The following DIP2C variants were observed in gnomAD, a reference collection of about 807,000 sequenced individuals.
DIP2C encodes the protein disco-interacting protein 2 homolog C.
Under a neutral mutation model 192.4 loss-of-function variants are expected in DIP2C, and 33 were observed. The ratio of observed to expected loss-of-function variants is 0.17; its 90% CI spans 0.13 to 0.23. The LOEUF is 0.23. Ranked by LOEUF, DIP2C falls within the 10% of genes least tolerant of loss-of-function variation. The pLI, the probability that DIP2C is intolerant of heterozygous loss-of-function variation, is 1.00. For missense variants in DIP2C, 1,537 were observed against 2,110.1 expected, an observed-to-expected ratio of 0.73 and a Z score of 5.32; for synonymous variants, 979 against 864.1, an observed-to-expected ratio of 1.13 and a Z score of -2.33.
intron 34 of DIP2C, among the ~76,000 whole-genome samples, chr10:285,687 C>A (rs941980870): frequency 1.3e-5 from 2 of 152,234 alleles, no homozygotes; most frequent in African/African-American, 4.8e-5. Flanking sequence ...AGAGAGGAGA[C>A]CAAGGCCACA....
chr10:370,110 A>C (rs1960785408), intron 17 of DIP2C: 1 of 926,444 alleles, frequency 1.1e-6, no homozygotes, highest in Admixed American at 6.2e-5. Context: ...GCCTCAATTC[A>C]GATGCAGACT....
At chr10:423,459 T>C (rs756928380) in intron 4 of DIP2C, among the ~76,000 whole-genome samples, 1 of 152,226 alleles carries the variant, frequency 6.6e-6, no homozygotes, top group Non-Finnish European at 1.5e-5. Context: ...GAGATGTTCT[T>C]GTGGGCTCTG....
chr10:390,419 C>G, intron 11 of DIP2C, 46 bp from the exon 12 acceptor site: 2 of 1,571,668 alleles, frequency 1.3e-6, no homozygotes, highest in Non-Finnish European at 1.8e-6. Flanking sequence ...CTCTGAAAGT[C>G]GGTCTGTAGA....
At chr10:650,669 G>A (rs773517934) in intron 1 of DIP2C, 4 of 619,500 alleles carry the variant, frequency 6.5e-6, no homozygotes, top group Non-Finnish European at 1.2e-5. Flanking sequence ...ACGTGAGCTG[G>A]CAAGGGGCCT....
chr10:651,427 T>C lies in DIP2C; in HGVS notation c.85+38067A>G. 1.4e-6 allele frequency: 1 copy of C among 690,254 alleles called. No individual in the cohort carries two copies. Among genetic ancestry groups the C allele is most frequent in the South Asian group, 1.5e-5 (1 of 66,290 alleles). The allele number at this position is 690,254 out of a possible 1,614,324, so 42.8% of individuals were successfully genotyped here. A position where few individuals can be genotyped will look rare whatever the true frequency, so the allele number is the denominator to read the frequency against. On this transcript the variant is annotated intron_variant, in intron 1 of 36. Transcript: ENST00000280886. This position sits in a 1 kb window ranked among gnomAD's most constrained non-coding sequence, Gnocchi z 4.1. ...AAACTCGTGACTGAATGAACAAGTA[T>C]GTTAAGTCGTTAAGTAAAAATAGCA...
At position 413,150 on chromosome 10, in the gene DIP2C, T is replaced by C. The variant is rs544908816; in HGVS notation, c.1057+763A>G. Among the ~76,000 whole-genome samples, 7 of 152,340 alleles carry C rather than the reference T, an allele frequency of 4.6e-5. No individual in the cohort carries two copies. The South Asian group carries it at 8.3e-4, about 18-fold the overall frequency. ...CATGCCAGCCTTTTAGTTACTACTT[T>C]CTTTGTAAAGCTGAAGCAGACAGAA... On this transcript the variant is annotated intron_variant, in intron 8 of 36. Transcript: ENST00000280886.
intron 3 of DIP2C, among the ~76,000 whole-genome samples, chr10:465,795 C>G (rs986243515): frequency 2.6e-5 from 4 of 151,150 alleles, no homozygotes; most frequent in Non-Finnish European, 4.4e-5. Context: ...ACAATTGCTT[C>G]AAAGAGAATA....
chr10:328,581 C>T (rs146658504), intron 30 of DIP2C, among the ~76,000 whole-genome samples: 12 of 98,024 alleles, frequency 1.2e-4, no homozygotes, highest in Non-Finnish European at 1.8e-4. Flanking sequence ...ATGAATAGTG[C>T]TAACTTTTTC....
intron 1 of DIP2C, chr10:664,323 A>C (rs965130866): frequency 6.6e-6 from 1 of 152,196 alleles, no homozygotes; most frequent in African/African-American, 2.4e-5. Flanking sequence ...GGAGAGAGAA[A>C]AGAAGGAATG....
chr10:366,298 C>G lies in DIP2C; in HGVS notation c.2245G>C (p.Gly749Arg). ...ACCTCAAAGGTGTTCTTGGTCATGC[C>G]AGAGAGGCCATAGTAGGACGTGCCC... Reference protein sequence around the residue: ...ATGTSYYGLSGMTKNTFEVFP... With the variant: ...ATGTSYYGLSRMTKNTFEVFP... The change falls in exon 19 of 37, where the codon GGC becomes CGC. Residue 749 changes from glycine to arginine, a missense_variant. Transcript: ENST00000280886. The G allele has an allele frequency of 6.2e-7, 1 of 1,613,716 alleles. No homozygotes were observed. Among genetic ancestry groups the G allele is most frequent in the Non-Finnish European group, 8.5e-7 (1 of 1,179,858 alleles).
At chr10:494,915 G>C (rs1217245543) in intron 1 of DIP2C, among the ~76,000 whole-genome samples, 1 of 152,196 alleles carries the variant, frequency 6.6e-6, no homozygotes, top group Non-Finnish European at 1.5e-5. Context: ...ACCAGTGTAA[G>C]GGAGAGATAC....
At chr10:618,042 T>A (rs557073432) in intron 1 of DIP2C, among the ~76,000 whole-genome samples, 3 of 152,182 alleles carry the variant, frequency 2.0e-5, no homozygotes, top group African/African-American at 7.2e-5. Flanking sequence ...ACTCTGTGAT[T>A]GTGTGTTTAA....
At chr10:612,366 TA>T (rs1853153978) in intron 1 of DIP2C, among the ~76,000 whole-genome samples, 1 of 152,014 alleles carries the variant, frequency 6.6e-6, no homozygotes, top group South Asian at 2.1e-4. Flanking sequence ...AGAAAAATAA[TA>T]TGAAAGCATG....
chr10:398,262 G>A (rs1168993656), intron 10 of DIP2C, among the ~76,000 whole-genome samples: 2 of 152,032 alleles, frequency 1.3e-5, no homozygotes, highest in Non-Finnish European at 2.9e-5. Context: ...CTGCTGCCTG[G>A]AGGCTTCCTC....
intron 4 of DIP2C, among the ~76,000 whole-genome samples, chr10:433,385 A>G (rs1449503223): frequency 6.6e-6 from 1 of 152,196 alleles, no homozygotes; most frequent in Non-Finnish European, 1.5e-5. Flanking sequence ...TCCATTTTTT[A>G]AAATTAGTGT....
At chr10:367,140 G>A (rs917406674) in intron 18 of DIP2C, among the ~76,000 whole-genome samples, 14 of 152,190 alleles carry the variant, frequency 9.2e-5, no homozygotes, top group Non-Finnish European at 1.3e-4. Flanking sequence ...CATTAAGGCC[G>A]GACGCGGTGG....
In DIP2C at chr10:392,572, G is replaced by A. The variant is rs77460477; in HGVS notation, c.1261-1709C>T. Among the ~76,000 whole-genome samples the A allele has an allele frequency of 1.4e-3, 217 of 152,266 alleles. 2 individuals are homozygous for A. Among genetic ancestry groups the A allele is most frequent in the African/African-American group, 4.5e-3 (187 of 41,560 alleles). ...TCCGCACGTGTAGAGTGCCCCCCGC[G>A]GCCCCGTCAGACGCCAGCCCTCAGC... On this transcript the variant is annotated intron_variant, in intron 10 of 36. Coordinates refer to ENST00000280886, the MANE Select transcript of DIP2C (RefSeq NM_014974.3).
chr10:396,867 A>G (rs935917553), intron 10 of DIP2C, among the ~76,000 whole-genome samples: 1 of 149,402 alleles, frequency 6.7e-6, no homozygotes, highest in Non-Finnish European at 1.5e-5. Flanking sequence ...TGGGGGGGAA[A>G]CTGGCATTCT....
In DIP2C at chr10:349,424, G is replaced by T; in HGVS notation, c.3016C>A (p.Gln1006Lys). The change falls in exon 25 of 37, where the codon CAG becomes AAG. Residue 1006 changes from glutamine to lysine, a missense_variant. This residue lies in a region of DIP2C where 677 missense variants were observed against 989.9 expected (regional missense o/e 0.68). Coordinates refer to ENST00000280886, the MANE Select transcript of DIP2C (RefSeq NM_014974.3). The part of the protein sequence containing the change: ...GAIANSLTCV[Q>K]LHKRAEKIAV... ...ATCTTCTCAGCTCTCTTGTGCAGCT[G>T]CACGCAGGTCAGCGAGTTCGCTATC... 1.2e-6 allele frequency: 2 copies of T among 1,609,788 alleles called. No homozygotes were observed. The highest frequency in any genetic ancestry group is 1.7e-6 in the Non-Finnish European group (2 of 1,179,018).
Sources: allele counts gnomAD v4.1 joint callset (sites outside exome capture counted in the v4.1 genomes callset), GRCh38; gene constraint gnomAD v4.1.1; regional missense constraint gnomAD v4.1.1; non-coding constraint Gnocchi (gnomAD v3.1); transcripts MANE v1.5; gene names NCBI Gene and HGNC (gene_info 2026-07-23, HGNC 2026-07-21).